AGBL4: variants seen among roughly 807,000 people sequenced by gnomAD.
The protein encoded by AGBL4 is cytosolic carboxypeptidase 6.
AGBL4 carries 58 observed loss-of-function variants against 66.4 expected under a neutral mutation model. The observed-to-expected ratio is 0.87, with a 90% confidence interval of 0.71 to 1.09. AGBL4 has a LOEUF of 1.09. Among genes scored for constraint, AGBL4 ranks in the 50% least tolerant of loss-of-function variants. AGBL4 has a pLI of 0.00. For synonymous variants in AGBL4, 234 were observed against 222.9 expected (o/e 1.05, Z -0.44); for missense variants, 579 against 631.0 (o/e 0.92, Z 0.88).
intron 1 of AGBL4, among the ~76,000 whole-genome samples, chr1:49,971,910 T>G (rs79452726): frequency 0.083 from 386 of 4,642 alleles, 24 homozygotes; most frequent in South Asian, 0.13. Flanking sequence ...TTTTTGGGTT[T>G]TTTTTTTTTT....
At chr1:48,900,707 T>C (rs1374419610) in intron 5 of AGBL4, among the ~76,000 whole-genome samples, 1 of 152,220 alleles carries the variant, frequency 6.6e-6, no homozygotes, top group African/African-American at 2.4e-5. Context: ...TTTTGATCCA[T>C]ACCTCACACC....
rs140262995 is a variant in AGBL4 at position 49,525,390 on chromosome 1, T to C, written c.282+171923A>G. ...AGATCTCAGTGACAAGAAGAAGCCA[T>C]GAGAATAGAGGTAGGGGGAGTGCCT... On this transcript the variant is annotated intron_variant, in intron 3 of 13. Transcript: ENST00000371839. Among the ~76,000 whole-genome samples the C allele has an allele frequency of 4.9e-4, 74 of 151,916 alleles. No individual in the cohort carries two copies. The East Asian group carries it at 0.014, about 29-fold the overall frequency.
At chr1:48,601,510 C>T (rs754283550) in intron 9 of AGBL4, among the ~76,000 whole-genome samples, 12 of 152,096 alleles carry the variant, frequency 7.9e-5, no homozygotes, top group East Asian at 1.9e-4. Context: ...TGAAGAAGTG[C>T]GAGTACTATG....
chr1:48,631,557 A>AT (rs545335035), intron 9 of AGBL4, among the ~76,000 whole-genome samples: 34 of 151,758 alleles, frequency 2.2e-4, no homozygotes, highest in East Asian at 1.4e-3. Context: ...CACCTGGCTA[A>AT]TTTTTTTTGT....
intron 3 of AGBL4, among the ~76,000 whole-genome samples, chr1:49,651,777 A>T (rs1558133265): frequency 6.6e-6 from 1 of 152,218 alleles, no homozygotes; most frequent in Non-Finnish European, 1.5e-5. Context: ...AGAAGGAATT[A>T]GTGCAAGAAC....
chr1:48,681,361 C>T (rs982948320), intron 6 of AGBL4, among the ~76,000 whole-genome samples: 1 of 152,198 alleles, frequency 6.6e-6, no homozygotes, highest in Non-Finnish European at 1.5e-5. Context: ...CTGTCTTCCA[C>T]ATCAGGCCCC....
At chr1:48,930,457 C>T (rs1312649231) in intron 5 of AGBL4, among the ~76,000 whole-genome samples, 1 of 151,990 alleles carries the variant, frequency 6.6e-6, no homozygotes, top group Non-Finnish European at 1.5e-5. Context: ...TATGATTTGC[C>T]ACCATAAAGC....
intron 6 of AGBL4, among the ~76,000 whole-genome samples, chr1:48,803,558 A>G (rs1191252666): frequency 6.6e-6 from 1 of 152,224 alleles, no homozygotes; most frequent in African/African-American, 2.4e-5. Context: ...CATCTTAAGG[A>G]AGGCAAGTCA....
At chr1:49,631,979 T>C (rs1248096414) in intron 3 of AGBL4, among the ~76,000 whole-genome samples, 1 of 152,194 alleles carries the variant, frequency 6.6e-6, no homozygotes, top group Non-Finnish European at 1.5e-5. Context: ...AGCAGAATTC[T>C]GGCTATTAGT....
At chr1:49,695,391 C>T (rs1008593978) in intron 3 of AGBL4, among the ~76,000 whole-genome samples, 1 of 152,090 alleles carries the variant, frequency 6.6e-6, no homozygotes, top group Admixed American at 6.6e-5. Flanking sequence ...CAGTCTAGTA[C>T]ATGTGACTAA....
At chr1:49,816,387 G>A (rs1047062565) in intron 2 of AGBL4, among the ~76,000 whole-genome samples, 1 of 152,258 alleles carries the variant, frequency 6.6e-6, no homozygotes, top group African/African-American at 2.4e-5. Flanking sequence ...GTTCCAAAAG[G>A]TCTAGGTAAT....
At chr1:49,724,300 G>T (rs1323262202) in intron 2 of AGBL4, among the ~76,000 whole-genome samples, 1 of 152,080 alleles carries the variant, frequency 6.6e-6, no homozygotes, top group Non-Finnish European at 1.5e-5. Flanking sequence ...CTGTTGTTTG[G>T]AAAGTAAATT....
At chr1:49,463,743 A>G (rs1646565363) in intron 3 of AGBL4, among the ~76,000 whole-genome samples, 1 of 151,784 alleles carries the variant, frequency 6.6e-6, no homozygotes, top group South Asian at 2.1e-4. Flanking sequence ...TTTAAAGAGC[A>G]CTGGCACAGA....
At chr1:49,069,263 T>C (rs1557613637) in intron 4 of AGBL4, among the ~76,000 whole-genome samples, 1 of 152,250 alleles carries the variant, frequency 6.6e-6, no homozygotes, top group Admixed American at 6.5e-5. Flanking sequence ...ATTTTGGCTT[T>C]TGTTGCCATT....
intron 2 of AGBL4, among the ~76,000 whole-genome samples, chr1:49,710,488 G>A (rs1033418944): frequency 6.6e-6 from 1 of 152,100 alleles, no homozygotes; most frequent in African/African-American, 2.4e-5. Context: ...ACCTAATGTA[G>A]ATGACAGGTT....
chr1:48,884,997 G>A (rs1206231163), intron 5 of AGBL4, among the ~76,000 whole-genome samples: 1 of 144,196 alleles, frequency 6.9e-6, no homozygotes, highest in African/African-American at 2.5e-5. Context: ...AAAAAAAAAG[G>A]TAAAAAAGCA....
At chr1:49,076,588 G>A (rs1449186314) in intron 4 of AGBL4, among the ~76,000 whole-genome samples, 1 of 152,178 alleles carries the variant, frequency 6.6e-6, no homozygotes, top group Non-Finnish European at 1.5e-5. Flanking sequence ...CATATGGAAT[G>A]AAAACCCTAT....
intron 2 of AGBL4, among the ~76,000 whole-genome samples, chr1:49,783,697 A>G (rs1407876753): frequency 1.3e-5 from 2 of 152,166 alleles, no homozygotes; most frequent in Non-Finnish European, 2.9e-5. Context: ...CACAGTAGAA[A>G]GGAGAAAATG....
At chr1:48,628,204 T>A (rs1202697477) in intron 9 of AGBL4, among the ~76,000 whole-genome samples, 1 of 152,132 alleles carries the variant, frequency 6.6e-6, no homozygotes, top group Non-Finnish European at 1.5e-5. Flanking sequence ...CCAGAAGTAA[T>A]GCAGGCCCAC....
Sources: gnomAD v4.1 joint callset for allele counts (sites outside exome capture counted in the v4.1 genomes callset) on GRCh38, gnomAD v4.1.1 for gene constraint, MANE v1.5 for transcripts, NCBI Gene and HGNC (gene_info 2026-07-23, HGNC 2026-07-21) for gene names.